Variants in ZNF831 observed in about 807,000 individuals in gnomAD.
ZNF831 encodes zinc finger protein 831, also known as chromosome 20 open reading frame 174.
In ZNF831, 59 loss-of-function variants were observed where a neutral mutation model predicts 95.8. That is an observed-to-expected ratio of 0.62 (90% confidence interval 0.50 to 0.77). ZNF831 has a LOEUF of 0.77. Ranked by LOEUF, ZNF831 falls within the 30% of genes least tolerant of loss-of-function variation. ZNF831 has a pLI of 0.00. For missense variants in ZNF831, 2,205 were observed against 2,164.0 expected (o/e 1.02, Z -0.38); for synonymous variants, 961 against 925.5 (o/e 1.04, Z -0.70).
intron 2 of ZNF831, among the ~76,000 whole-genome samples, chr20:59,154,791 C>T (rs1299773449): frequency 6.6e-6 from 1 of 152,194 alleles, no homozygotes; most frequent in Non-Finnish European, 1.5e-5. Context: ...CGTCTTTTGC[C>T]CTTTGCCCTC....
intron 4 of ZNF831, among the ~76,000 whole-genome samples, chr20:59,210,287 A>T (rs1360385317): frequency 2.0e-5 from 3 of 152,228 alleles, no homozygotes; most frequent in Non-Finnish European, 4.4e-5. Flanking sequence ...CAGTTGTCCA[A>T]GTGACCACGG....
intron 1 of ZNF831, among the ~76,000 whole-genome samples, chr20:59,143,480 G>A (rs1032002936): frequency 6.6e-6 from 1 of 152,178 alleles, no homozygotes; most frequent in Non-Finnish European, 1.5e-5. Context: ...CTTCACACAA[G>A]CCTCTCTCCC....
chr20:59,148,230 G>A (rs1323465029), intron 2 of ZNF831, among the ~76,000 whole-genome samples: 1 of 152,124 alleles, frequency 6.6e-6, no homozygotes, highest in Non-Finnish European at 1.5e-5. Flanking sequence ...TCTCATCAGA[G>A]TAGGCTGGGA....
At chr20:59,150,125 A>G (rs974418936) in intron 2 of ZNF831, among the ~76,000 whole-genome samples, 21 of 152,180 alleles carry the variant, frequency 1.4e-4, no homozygotes, top group Non-Finnish European at 1.5e-4. Context: ...CACAGAAACC[A>G]AAGAGGAACA....
At chr20:59,250,321 T>G (rs1987822083) in intron 4 of ZNF831, among the ~76,000 whole-genome samples, 2 of 152,200 alleles carry the variant, frequency 1.3e-5, no homozygotes, top group African/African-American at 4.8e-5. Flanking sequence ...GCCGGCAGCC[T>G]GGCTTCTATT....
intron 4 of ZNF831, among the ~76,000 whole-genome samples, chr20:59,242,207 A>C (rs886524891): frequency 1.3e-5 from 2 of 152,116 alleles, no homozygotes; most frequent in African/African-American, 4.8e-5. Flanking sequence ...AGAAGGGGAG[A>C]TCTTTCTTCC....
intron 4 of ZNF831, among the ~76,000 whole-genome samples, chr20:59,210,690 C>T (rs1985240107): frequency 6.6e-6 from 1 of 152,154 alleles, no homozygotes; most frequent in Admixed American, 6.5e-5. Context: ...GCACGCTCAC[C>T]CCATGGACTA....
intron 1 of ZNF831, among the ~76,000 whole-genome samples, chr20:59,141,973 C>T (rs1441333430): frequency 6.6e-6 from 1 of 152,176 alleles, no homozygotes; most frequent in East Asian, 1.9e-4. Flanking sequence ...GCTGGCTCTA[C>T]GTGTCTGGGG....
At chr20:59,124,690 G>A (rs2146430540) in intron 1 of ZNF831, among the ~76,000 whole-genome samples, 1 of 152,338 alleles carries the variant, frequency 6.6e-6, no homozygotes, top group East Asian at 1.9e-4. Flanking sequence ...TCAGAAAACA[G>A]GGGTGCTTGT....
At chr20:59,205,205 G>T (rs1021087923) in intron 3 of ZNF831, among the ~76,000 whole-genome samples, 1 of 152,176 alleles carries the variant, frequency 6.6e-6, no homozygotes, top group African/African-American at 2.4e-5. Flanking sequence ...GGTGGAAGAA[G>T]AATTCTCTCC....
chr20:59,161,707 G>A (rs559866927), upstream of ZNF831, among the ~76,000 whole-genome samples: 20 of 152,330 alleles, frequency 1.3e-4, no homozygotes, highest in East Asian at 3.7e-3. Context: ...TTTGTGAATA[G>A]TGCTGTGATA....
chr20:59,246,868 C>T (rs1987636900), intron 4 of ZNF831, among the ~76,000 whole-genome samples: 1 of 152,184 alleles, frequency 6.6e-6, no homozygotes, highest in Non-Finnish European at 1.5e-5. Context: ...CCCAACCCTC[C>T]CTGCCTGTGC....
intron 3 of ZNF831, among the ~76,000 whole-genome samples, chr20:59,202,722 T>G (rs1017732416): frequency 2.6e-5 from 4 of 152,172 alleles, no homozygotes; most frequent in African/African-American, 9.7e-5. Context: ...AAGAACATTC[T>G]GGGCTTTGAG....
chr20:59,144,212 TG>T (rs1979766733), intron 1 of ZNF831, among the ~76,000 whole-genome samples: 2 of 152,208 alleles, frequency 1.3e-5, no homozygotes, highest in South Asian at 4.1e-4. Context: ...AGAAATTAAA[TG>T]CCATTTAAAT....
rs777399101 is a variant in ZNF831 at position 59,191,371 on chromosome 20, G to A, written c.352G>A (p.Val118Met). The change falls in exon 2 of 6, where the codon GTG becomes ATG. Residue 118 changes from valine to methionine, a missense_variant. By Grantham distance (21) the Val-to-Met change is conservative. Transcript: ENST00000371030. ...PAAPTLTVNI[V>M]GTLPVLSPGL... ...GGCCCCTACGCTGACGGTGAACATC[G>A]TGGGCACTCTGCCTGTCCTGTCGCC... The A allele has an allele frequency of 1.9e-6, 3 of 1,608,798 alleles. No homozygotes were observed. The highest frequency in any genetic ancestry group is 1.1e-5 in the South Asian group (1 of 90,570).
At chr20:59,213,032 T>C (rs939188235) in intron 4 of ZNF831, among the ~76,000 whole-genome samples, 1 of 152,204 alleles carries the variant, frequency 6.6e-6, no homozygotes, top group Non-Finnish European at 1.5e-5. Flanking sequence ...GTGACAAAGA[T>C]GATAACTCTA....
chr20:59,158,799 G>T (rs1345148765), intron 2 of ZNF831, among the ~76,000 whole-genome samples: 1 of 152,162 alleles, frequency 6.6e-6, no homozygotes, highest in Non-Finnish European at 1.5e-5. Flanking sequence ...CAGAAAAGCT[G>T]CACAGTTAGC....
At chr20:59,127,903 C>G (rs979103203) in intron 1 of ZNF831, among the ~76,000 whole-genome samples, 25 of 152,346 alleles carry the variant, frequency 1.6e-4, no homozygotes, top group African/African-American at 5.8e-4. Flanking sequence ...CCATTCTTCC[C>G]TGGTGAGCTC....
chr20:59,222,913 G>T (rs1204272703), intron 4 of ZNF831, among the ~76,000 whole-genome samples: 1 of 152,174 alleles, frequency 6.6e-6, no homozygotes, highest in Non-Finnish European at 1.5e-5. Flanking sequence ...GGGAGAGCAG[G>T]GTTTTGATCC....
Sources: gnomAD v4.1 joint callset for allele counts (sites outside exome capture counted in the v4.1 genomes callset) on GRCh38, gnomAD v4.1.1 for gene constraint, MANE v1.5 for transcripts, NCBI Gene and HGNC (gene_info 2026-07-23, HGNC 2026-07-21) for gene names.